IL1RAP: variants seen among roughly 807,000 people sequenced by gnomAD.
The protein encoded by IL1RAP is interleukin 1 receptor accessory protein.
A neutral mutation model predicts 60.7 loss-of-function variants in IL1RAP; 35 were observed. The ratio of observed to expected loss-of-function variants is 0.58; its 90% CI spans 0.44 to 0.76. IL1RAP has a LOEUF of 0.76. Among genes scored for constraint, IL1RAP ranks in the 30% least tolerant of loss-of-function variants. The pLI, the probability that IL1RAP is intolerant of heterozygous loss-of-function variation, is 0.00. For missense variants in IL1RAP, 572 were observed against 693.9 expected (o/e 0.82, Z 1.97); for synonymous variants, 268 against 250.9 (o/e 1.07, Z -0.64).
chr3:190,654,874 GCATTACA>G (rs1560250668), downstream of IL1RAP, among the ~76,000 whole-genome samples: 1 of 152,210 alleles, frequency 6.6e-6, no homozygotes, highest in African/African-American at 2.4e-5. Context: ...AGTGAGTTAA[GCATTACA>G]TTTATTTGAA....
intron 3 of IL1RAP, among the ~76,000 whole-genome samples, chr3:190,576,086 A>T (rs1353191047): frequency 1.3e-5 from 2 of 152,176 alleles, no homozygotes; most frequent in African/African-American, 4.8e-5. Context: ...TTAAATTCCT[A>T]CCTTGTACTT....
chr3:190,582,114 A>T (rs1728046375), intron 3 of IL1RAP, among the ~76,000 whole-genome samples: 1 of 152,176 alleles, frequency 6.6e-6, no homozygotes, highest in African/African-American at 2.4e-5. Flanking sequence ...CACATCTGTT[A>T]ATTTGCTTAG....
chr3:190,551,353 C>T (rs1024446485), intron 1 of IL1RAP, among the ~76,000 whole-genome samples: 1 of 152,218 alleles, frequency 6.6e-6, no homozygotes, highest in African/African-American at 2.4e-5. Flanking sequence ...GCTTATTGTA[C>T]TGATGCAAAC....
At chr3:190,553,575 A>G (rs899159339) in intron 1 of IL1RAP, among the ~76,000 whole-genome samples, 2 of 152,284 alleles carry the variant, frequency 1.3e-5, no homozygotes, top group African/African-American at 4.8e-5. Flanking sequence ...GATGCATAGC[A>G]TTCCCCAGCC....
At chr3:190,539,401 T>G (rs1723739705) in intron 1 of IL1RAP, among the ~76,000 whole-genome samples, 1 of 152,122 alleles carries the variant, frequency 6.6e-6, no homozygotes, top group Non-Finnish European at 1.5e-5. Context: ...ATTTCAAAAA[T>G]GCTTTTCTAT....
chr3:190,523,254 C>T (rs763100483), intron 1 of IL1RAP, among the ~76,000 whole-genome samples: 1 of 152,154 alleles, frequency 6.6e-6, no homozygotes, highest in Non-Finnish European at 1.5e-5. Flanking sequence ...GGGCTGCTTG[C>T]TCTCTGAAAT....
chr3:190,644,123 C>T (rs1481583640), intron 9 of IL1RAP, 125 bp from the exon 10 acceptor site: 3 of 1,441,366 alleles, frequency 2.1e-6, no homozygotes, highest in Non-Finnish European at 2.7e-6. Flanking sequence ...AATGTTATCT[C>T]TGATTGTTCA....
intron 3 of IL1RAP, among the ~76,000 whole-genome samples, chr3:190,584,409 A>T (rs1006850529): frequency 1.3e-5 from 2 of 152,224 alleles, no homozygotes; most frequent in African/African-American, 2.4e-5. Flanking sequence ...TAAGGTCATT[A>T]GGTATGTTTA....
At chr3:190,611,406 T>C (rs1730811951) in intron 5 of IL1RAP, among the ~76,000 whole-genome samples, 1 of 152,176 alleles carries the variant, frequency 6.6e-6, no homozygotes, top group South Asian at 2.1e-4. Flanking sequence ...ATCCAGACTA[T>C]GTGAAACTCT....
chr3:190,632,031 G>C (rs970329535), intron 9 of IL1RAP, among the ~76,000 whole-genome samples: 6 of 152,070 alleles, frequency 3.9e-5, no homozygotes, highest in Non-Finnish European at 7.4e-5. Context: ...TCAAACTCCT[G>C]ACCTCAGGTG....
chr3:190,622,013 C>G (rs78639129), intron 6 of IL1RAP, among the ~76,000 whole-genome samples: 1 of 152,192 alleles, frequency 6.6e-6, no homozygotes, highest in African/African-American at 2.4e-5. Flanking sequence ...ATCAAGTAGA[C>G]TAATGTGCCG....
chr3:190,630,522 T>A (rs1233951246), intron 9 of IL1RAP, among the ~76,000 whole-genome samples: 2 of 152,226 alleles, frequency 1.3e-5, no homozygotes, highest in Non-Finnish European at 2.9e-5. Context: ...TTAATGCTTT[T>A]TTAAAGCTGA....
chr3:190,651,987 C>T (rs573585930), downstream of IL1RAP, among the ~76,000 whole-genome samples: 13 of 152,138 alleles, frequency 8.5e-5, no homozygotes, highest in African/African-American at 2.4e-4. Flanking sequence ...CGCAACCACA[C>T]GGTAGTTGCT....
intron 1 of IL1RAP, among the ~76,000 whole-genome samples, chr3:190,528,184 A>T (rs905527862): frequency 2.6e-5 from 4 of 152,202 alleles, no homozygotes; most frequent in African/African-American, 9.7e-5. Flanking sequence ...AAATGGTCCC[A>T]GACTGATATA....
At chr3:190,562,694 CCACA>C (rs56393536) in intron 2 of IL1RAP, among the ~76,000 whole-genome samples, 8,142 of 146,542 alleles carry the variant, frequency 0.056, 344 homozygotes, top group African/African-American at 0.12. Flanking sequence ...CATATCTCGT[CCACA>C]CACACACACA....
Position 190,625,871 on chromosome 3 carries a change from A to C in IL1RAP, c.776-1452A>C, listed in dbSNP as rs139519860. Among the ~76,000 whole-genome samples the C allele has an allele frequency of 1.5e-3, 228 of 152,332 alleles. 1 individual carries two copies. Among genetic ancestry groups the C allele is most frequent in the African/African-American group, 5.4e-3 (224 of 41,576 alleles). On this transcript the variant is annotated intron_variant, in intron 7 of 11. Transcript: ENST00000447382. ...AATATATTTGTCTACCTGTCAAACT[A>C]TGCTGACAGAAGGATTGTTGAATCC...
rs759049454 is a variant in IL1RAP at position 190,627,366 on chromosome 3, G to T, written c.819G>T (p.Leu273=). The change falls in exon 8 of 12, where the codon CTG becomes CTT. Residue 273 remains leucine (L), a synonymous_variant. Transcript: ENST00000447382. ...LIPCTVYFSF[L]MDSRNEVWWT... is the part of the protein sequence containing the mutation. The stretch of plus-strand genomic sequence containing the variant: ...CCTGTACGGTCTATTTTAGTTTTCT[G>T]ATGGATTCTCGCAATGAGGTTTGGT... 6.2e-7 allele frequency: 1 copy of T among 1,612,302 alleles called. No individual in the cohort carries two copies. The highest frequency in any genetic ancestry group is 1.1e-5 in the South Asian group (1 of 90,998).
intron 1 of IL1RAP, among the ~76,000 whole-genome samples, chr3:190,551,726 C>T (rs111866032): frequency 5.3e-5 from 8 of 152,082 alleles, no homozygotes; most frequent in Non-Finnish European, 1.0e-4. Flanking sequence ...TGTCAAAGTT[C>T]TATAGCTCAT....
At chr3:190,648,075 C>T (rs1037941624) in intron 11 of IL1RAP, among the ~76,000 whole-genome samples, 2 of 152,172 alleles carry the variant, frequency 1.3e-5, no homozygotes, top group South Asian at 2.1e-4. Context: ...GGTCACAACA[C>T]TATACTACCT....
Sources: gnomAD v4.1 joint callset for allele counts (sites outside exome capture counted in the v4.1 genomes callset) on GRCh38, gnomAD v4.1.1 for gene constraint, MANE v1.5 for transcripts, NCBI Gene and HGNC (gene_info 2026-07-23, HGNC 2026-07-21) for gene names.